The following ERG variants were observed in gnomAD, a reference collection of about 807,000 sequenced individuals.
The protein encoded by ERG is ETS transcription factor ERG.
Under a neutral mutation model 55.3 loss-of-function variants are expected in ERG, and 9 were observed. That is an observed-to-expected ratio of 0.16 (90% CI 0.10 to 0.28). The LOEUF is 0.28. Ranked by LOEUF, ERG falls within the 10% of genes least tolerant of loss-of-function variation. The pLI is 1.00. For synonymous variants in ERG, 223 were observed against 237.3 expected (o/e 0.94, Z 0.55); for missense variants, 434 against 631.6 (o/e 0.69, Z 3.35).
chr21:38,427,903 G>A (rs114162100), intron 2 of ERG, among the ~76,000 whole-genome samples: 344 of 152,256 alleles, frequency 2.3e-3, no homozygotes, highest in African/African-American at 8.0e-3. Flanking sequence ...TTAAGAAAAG[G>A]ACGCCAGGCA....
intron 2 of ERG, among the ~76,000 whole-genome samples, chr21:38,518,752 C>G (rs1164483671): frequency 6.6e-6 from 1 of 151,616 alleles, no homozygotes; most frequent in African/African-American, 2.4e-5. Context: ...CACAGAAACA[C>G]TAAGAGTAAA....
At position 38,380,905 on chromosome 21, in the gene ERG, G is replaced by A. The variant is rs1987402446; in HGVS notation, c.*2498C>T. On this transcript the variant is annotated 3_prime_UTR_variant, in exon 10 of 10. Transcript: ENST00000288319. ...ATGTGTATTTCTATGAAGAATGTAG[G>A]TGTGTCTTGACTTTGCATTCCAAAA... 1 of 1,065,074 alleles carries A rather than the reference G, an allele frequency of 9.4e-7. No individual in the cohort carries two copies. Among genetic ancestry groups the A allele is most frequent in the Admixed American group, 5.3e-5 (1 of 18,728 alleles). 66.0% of individuals were successfully genotyped at this position (1,065,074 alleles called of 1,614,324 possible). A position where few individuals can be genotyped will look rare whatever the true frequency, so the allele number is the denominator to read the frequency against.
chr21:38,393,896 T>G, intron 6 of ERG, among the ~76,000 whole-genome samples: 1 of 152,222 alleles, frequency 6.6e-6, no homozygotes, highest in South Asian at 2.1e-4. Context: ...TTTTTGGACG[T>G]AAATCTTTTC....
chr21:38,429,765 C>T (rs576372144), intron 2 of ERG, among the ~76,000 whole-genome samples: 3 of 127,106 alleles, frequency 2.4e-5, no homozygotes, highest in African/African-American at 8.6e-5. Context: ...ACACACACAC[C>T]ACATTTTCTT....
At chr21:38,443,449 G>A (rs961347496) in intron 2 of ERG, among the ~76,000 whole-genome samples, 2 of 152,154 alleles carry the variant, frequency 1.3e-5, no homozygotes, top group African/African-American at 4.8e-5. Context: ...TGTCTCCGCC[G>A]TGATCACGCT....
At chr21:38,462,363 A>G (rs1373386966) in intron 1 of ERG, among the ~76,000 whole-genome samples, 1 of 96,628 alleles carries the variant, frequency 1.0e-5, no homozygotes, top group African/African-American at 3.2e-5. Context: ...GATATAATGC[A>G]TATACACAAT....
chr21:38,577,654 A>G (rs2060002869), intron 1 of ERG, among the ~76,000 whole-genome samples: 1 of 152,138 alleles, frequency 6.6e-6, no homozygotes, highest in African/African-American at 2.4e-5. Flanking sequence ...CCTTATCCTA[A>G]GAGCAGCAGG....
chr21:38,501,045 A>T (rs1474368001), upstream of ERG, among the ~76,000 whole-genome samples: 1 of 146,976 alleles, frequency 6.8e-6, no homozygotes, highest in African/African-American at 2.5e-5. Context: ...TTGGCTCTTG[A>T]TAGGACAAGG....
At chr21:38,613,458 C>A (rs141739379) in intron 1 of ERG, among the ~76,000 whole-genome samples, 2 of 152,234 alleles carry the variant, frequency 1.3e-5, no homozygotes, top group African/African-American at 2.4e-5. Flanking sequence ...GAAATCATGA[C>A]GTTCTTTTCC....
At chr21:38,521,751 G>A (rs753679005) in intron 2 of ERG, among the ~76,000 whole-genome samples, 1 of 152,216 alleles carries the variant, frequency 6.6e-6, no homozygotes, top group African/African-American at 2.4e-5. Flanking sequence ...CCCCTGAGGA[G>A]ACAGGAACTA....
intron 1 of ERG, among the ~76,000 whole-genome samples, chr21:38,486,029 G>A (rs534380048): frequency 1.3e-5 from 2 of 152,058 alleles, no homozygotes; most frequent in South Asian, 4.1e-4. Flanking sequence ...TGCCTCCCAG[G>A]TTCAAGCAAT....
intron 1 of ERG, among the ~76,000 whole-genome samples, chr21:38,584,254 A>G (rs1248305447): frequency 6.6e-6 from 1 of 152,188 alleles, no homozygotes; most frequent in Non-Finnish European, 1.5e-5. Context: ...GGGGAGCCCT[A>G]GCATTCCAGC....
chr21:38,656,846 A>C lies in ERG; in HGVS notation c.-150+4812T>G, dbSNP rs151045088. 8.0e-3 allele frequency among the ~76,000 whole-genome samples: 1,214 copies of C among 152,286 alleles called. 10 individuals carry two copies. The highest frequency in any genetic ancestry group is 0.014 in the Non-Finnish European group (925 of 68,024). ...TTTCCTATTTTTTAAAAGTCATTCT[A>C]TATATGCCTGTTTTCTTTCCTATTT... is the stretch of plus-strand genomic sequence containing the variant. On this transcript the variant is annotated intron_variant, in intron 1 of 10. Transcript: ENST00000398910.
rs1987366646 is a variant in ERG at position 38,380,304 on chromosome 21, C to T, written c.*3099G>A. The T allele has an allele frequency of 9.5e-7, 1 of 1,055,628 alleles. No homozygotes were observed. Among genetic ancestry groups the T allele is most frequent in the Non-Finnish European group, 1.1e-6 (1 of 873,240 alleles). The allele number at this position is 1,055,628 out of a possible 1,614,324, so 65.4% of individuals were successfully genotyped here. On this transcript the variant is annotated 3_prime_UTR_variant, in exon 10 of 10. Coordinates refer to ENST00000288319, the MANE Select transcript of ERG (RefSeq NM_182918.4). Reference sequence around the variant, plus strand: ...TCCTGCTCCTGGGTTGCAGGTGCCACATCTGTGCAGAAGGCTTAGGAGAAG... The same window carrying T: ...TCCTGCTCCTGGGTTGCAGGTGCCATATCTGTGCAGAAGGCTTAGGAGAAG...
At chr21:38,430,411 A>G (rs2146523887) in intron 2 of ERG, among the ~76,000 whole-genome samples, 1 of 152,244 alleles carries the variant, frequency 6.6e-6, no homozygotes, top group Middle Eastern at 3.4e-3. Context: ...TTTTTGGTTT[A>G]ACTAAGTCCC....
chr21:38,612,379 C>A (rs2060232932), intron 1 of ERG, among the ~76,000 whole-genome samples: 1 of 152,024 alleles, frequency 6.6e-6, no homozygotes, highest in Non-Finnish European at 1.5e-5. Context: ...AAAATTTTGA[C>A]ATTTTATTTG....
chr21:38,606,102 A>T (rs2060195410), intron 1 of ERG, among the ~76,000 whole-genome samples: 1 of 152,168 alleles, frequency 6.6e-6, no homozygotes, highest in Non-Finnish European at 1.5e-5. Context: ...TAAATGATTG[A>T]TAGAAGATAG....
intron 2 of ERG, among the ~76,000 whole-genome samples, chr21:38,510,370 G>A (rs188439894): frequency 2.6e-5 from 4 of 152,272 alleles, no homozygotes; most frequent in Non-Finnish European, 4.4e-5. Flanking sequence ...CGTCTCACAC[G>A]TCACTCTCTG....
At chr21:38,566,746 C>G (rs952189756) in intron 2 of ERG, among the ~76,000 whole-genome samples, 1 of 152,158 alleles carries the variant, frequency 6.6e-6, no homozygotes, top group African/African-American at 2.4e-5. Context: ...AAATATTTAT[C>G]GATTATCTAA....
Sources: allele counts gnomAD v4.1 joint callset (sites outside exome capture counted in the v4.1 genomes callset), GRCh38; gene constraint gnomAD v4.1.1; transcripts MANE v1.5; gene names NCBI Gene and HGNC (gene_info 2026-07-23, HGNC 2026-07-21).